Variants in NCOR1 observed in about 807,000 individuals in gnomAD.
The protein encoded by NCOR1 is protein phosphatase 1, regulatory subunit 109.
A neutral mutation model predicts 288.1 loss-of-function variants in NCOR1; 63 were observed. The ratio of observed to expected loss-of-function variants is 0.22; its 90% CI spans 0.18 to 0.27. The LOEUF (loss-of-function observed/expected upper bound fraction) is 0.27. Among genes scored for constraint, NCOR1 ranks in the 10% least tolerant of loss-of-function variants. The pLI, the probability that NCOR1 is intolerant of heterozygous loss-of-function variation, is 1.00. For synonymous variants in NCOR1, 1,007 were observed against 1,065.9 expected, an observed-to-expected ratio of 0.94 and a Z score of 1.08; for missense variants, 2,397 against 3,019.2, an observed-to-expected ratio of 0.79 and a Z score of 4.83.
chr17:16,040,801 G>A (rs182146434), intron 42 of NCOR1: 10 of 355,604 alleles, frequency 2.8e-5, no homozygotes, highest in South Asian at 1.1e-4. Context: ...AGGCTGAGGC[G>A]GTAGGACTGC....
chr17:16,131,997 C>A (rs978079433), intron 14 of NCOR1, among the ~76,000 whole-genome samples: 2 of 152,208 alleles, frequency 1.3e-5, no homozygotes. Context: ...GCAGAGCACT[C>A]TGGGGCTAGA....
intron 23 of NCOR1, among the ~76,000 whole-genome samples, chr17:16,085,470 G>A (rs2064082778): frequency 6.6e-6 from 1 of 152,182 alleles, no homozygotes; most frequent in African/African-American, 2.4e-5. Context: ...ACTGGAAATA[G>A]CTCAGGTTTT....
intron 18 of NCOR1, among the ~76,000 whole-genome samples, chr17:16,112,028 C>T (rs1272147696): frequency 1.3e-5 from 2 of 151,998 alleles, no homozygotes; most frequent in Non-Finnish European, 2.9e-5. Flanking sequence ...CGCCACCATG[C>T]CCGGCTAATT....
chr17:16,153,511 C>T lies in NCOR1; in HGVS notation c.733-116G>A, dbSNP rs991465551. On this transcript the variant is annotated intron_variant, in intron 6 of 45. Transcript: ENST00000268712. Reference sequence around the variant, plus strand: ...TCTATAGATGAACTTATCCTTATTTCCAAATATCCTTCTTCTATATGACAG... The same window carrying T: ...TCTATAGATGAACTTATCCTTATTTTCAAATATCCTTCTTCTATATGACAG... The T allele has an allele frequency of 1.7e-5, 10 of 589,474 alleles. No homozygotes were observed. The African/African-American group carries it at 1.9e-4, about 11-fold the overall frequency. 36.5% of individuals were successfully genotyped at this position (589,474 alleles called of 1,614,324 possible). A position where few individuals can be genotyped will look rare whatever the true frequency, so the allele number is the denominator to read the frequency against.
chr17:16,038,659 A>T (rs540691902), intron 44 of NCOR1, among the ~76,000 whole-genome samples: 1 of 151,922 alleles, frequency 6.6e-6, no homozygotes, highest in Non-Finnish European at 1.5e-5. Context: ...GCTGGTCTCA[A>T]ACTCCTGAGC....
At chr17:16,065,878 A>G (rs1205000727) in intron 32 of NCOR1, 184 bp from the exon 33 acceptor site, 2 of 598,606 alleles carry the variant, frequency 3.3e-6, no homozygotes, top group Admixed American at 2.9e-5. Flanking sequence ...TAGCAATTCT[A>G]ATGTCTAAGA....
chr17:16,127,583 G>A (rs748603533), intron 14 of NCOR1, among the ~76,000 whole-genome samples: 2 of 141,904 alleles, frequency 1.4e-5, no homozygotes, highest in East Asian at 4.5e-4. Flanking sequence ...ATATACATAT[G>A]TGTATATATG....
Position 16,079,847 on chromosome 17 carries a change from CCCAGT to C in NCOR1, c.3501+112_3501+116del, listed in dbSNP as rs1325288281. The C allele has an allele frequency of 1.4e-5, 11 of 769,458 alleles. No individual in the cohort carries two copies. In the African/African-American group the frequency reaches 1.7e-4, roughly 12 times the overall value. 47.7% of individuals were successfully genotyped at this position (769,458 alleles called of 1,614,324 possible). ...CAGTTTGCAGATCTAGGTTATGAGA[CCCAGT>C]CCCATAATGCAGAAAAATGAACTTA... On this transcript the variant is annotated intron_variant, in intron 26 of 45. Transcript: ENST00000268712.
In NCOR1 at chr17:16,039,511, C is replaced by T. The variant is rs1300285341; in HGVS notation, c.6877G>A (p.Val2293Met). Residue 2293 changes from valine to methionine, a missense_variant, in exon 44 of 46, where the codon GTG (valine) becomes ATG (methionine). Physicochemically the swap from Val to Met is conservative, Grantham distance 21 (BLOSUM62 1). This residue lies in a region of NCOR1 where 1,872 missense variants were observed against 2,187.8 expected (regional missense o/e 0.86). Coordinates refer to ENST00000268712, the MANE Select transcript of NCOR1 (RefSeq NM_006311.4). Reference protein sequence around the residue: ...GVVMSQPMGVVPGTANTSVVT... With the variant: ...GVVMSQPMGVMPGTANTSVVT... ...ACTGAGGTGTTGGCAGTACCAGGCA[C>T]TACTCCCATAGGCTGGGACATGACA... The T allele has an allele frequency of 1.2e-6, 2 of 1,614,134 alleles. No individual in the cohort carries two copies. Among genetic ancestry groups the T allele is most frequent in the African/African-American group, 2.7e-5 (2 of 75,016 alleles).
At position 16,099,619 on chromosome 17, in the gene NCOR1, T is replaced by C. The variant is rs914112192; in HGVS notation, c.2691-1123A>G. Reference sequence around the variant, plus strand: ...TCCTACCTAATTTTTCCTTCACGTATAGTTACCAAAACCAACAGTGCAAAA... The same window carrying C: ...TCCTACCTAATTTTTCCTTCACGTACAGTTACCAAAACCAACAGTGCAAAA... On this transcript the variant is annotated intron_variant, in intron 20 of 45. Transcript: ENST00000268712. 3.9e-5 allele frequency among the ~76,000 whole-genome samples: 6 copies of C among 152,334 alleles called. No individual in the cohort carries two copies. The East Asian group carries it at 1.2e-3, about 29-fold the overall frequency.
intron 9 of NCOR1, among the ~76,000 whole-genome samples, chr17:16,147,583 G>C (rs1332337922): frequency 2.0e-5 from 3 of 152,082 alleles, no homozygotes; most frequent in African/African-American, 7.2e-5. Context: ...AGTGAGGAAG[G>C]GTTCATGAAA....
chr17:16,165,120 T>C lies in NCOR1; in HGVS notation c.477A>G (p.Pro159=). 6.2e-7 allele frequency: 1 copy of C among 1,608,844 alleles called. No homozygotes were observed. The highest frequency in any genetic ancestry group is 8.5e-7 in the Non-Finnish European group (1 of 1,178,960). The change falls in exon 5 of 46, where the codon CCA becomes CCG. Residue 159 remains proline (P), a synonymous_variant. Transcript: ENST00000268712. ...FGGKHEAPSS[P]ISGQPCGDDQ... ...CATCTCCACATGGTTGCCCCGAAAT[T>C]GGAGAGGATGGAGCTTCATGTTTGC...
At chr17:16,044,551 G>GA in intron 42 of NCOR1, 1 of 504,668 alleles carries the variant, frequency 2.0e-6, no homozygotes, top group East Asian at 5.9e-5. Flanking sequence ...GCCACGTTGG[G>GA]ATGAGGCCCT....
rs61215793 is a variant in NCOR1 at position 16,181,211 on chromosome 17, A to ATGTGTGTGTGTGTGTG, written c.242+5327_242+5342dup. Among the ~76,000 whole-genome samples the ATGTGTGTGTGTGTGTG allele has an allele frequency of 2.7e-3, 382 of 139,550 alleles. 3 individuals carry two copies. The highest frequency in any genetic ancestry group is 0.01 in the East Asian group (45 of 4,462). 91.6% of individuals were successfully genotyped at this position (139,550 alleles called of 152,430 possible). A position where few individuals can be genotyped will look rare whatever the true frequency, so the allele number is the denominator to read the frequency against. Reference sequence around the variant, plus strand: ...TGTGTGTGTGTATACATATATATGTATGTGTGTGTGTGTGTGTGTGTGTGT... The same window carrying ATGTGTGTGTGTGTGTG: ...TGTGTGTGTGTATACATATATATGTATGTGTGTGTGTGTGTGTGTGTGTGTGTGTGTGTGTGTGTGT... On this transcript the variant is annotated intron_variant, in intron 3 of 45. Transcript: ENST00000268712.
chr17:16,069,815 C>G (rs2061539372), intron 31 of NCOR1, among the ~76,000 whole-genome samples: 1 of 152,142 alleles, frequency 6.6e-6, no homozygotes, highest in Non-Finnish European at 1.5e-5. Flanking sequence ...CAGTCTTGTT[C>G]CAGAGGCTAC....
chr17:16,134,729 A>G (rs1405275547), intron 14 of NCOR1, among the ~76,000 whole-genome samples: 4 of 152,218 alleles, frequency 2.6e-5, no homozygotes, highest in Non-Finnish European at 4.4e-5. Context: ...AATCTGGCAA[A>G]GGTTAAGGTA....
intron 16 of NCOR1, 139 bp from the exon 17 acceptor site, chr17:16,119,624 G>C (rs2072558854): frequency 2.0e-6 from 1 of 510,152 alleles, no homozygotes; most frequent in Admixed American, 3.6e-5. Flanking sequence ...GCAGAAATAG[G>C]ATAGTAACCT....
chr17:16,056,757 TG>T (rs2059974641), intron 40 of NCOR1, among the ~76,000 whole-genome samples: 1 of 152,198 alleles, frequency 6.6e-6, no homozygotes, highest in African/African-American at 2.4e-5. Flanking sequence ...TAAGAAGATA[TG>T]CTCTTTATCA....
At chr17:16,173,601 C>T (rs1310448087) in intron 3 of NCOR1, among the ~76,000 whole-genome samples, 1 of 152,018 alleles carries the variant, frequency 6.6e-6, no homozygotes, top group Admixed American at 6.6e-5. Flanking sequence ...ATTCTATACA[C>T]TAGCATTAAA....
Sources: gnomAD v4.1 joint callset for allele counts (sites outside exome capture counted in the v4.1 genomes callset) on GRCh38, gnomAD v4.1.1 for gene constraint, gnomAD v4.1.1 regional missense constraint, MANE v1.5 for transcripts, NCBI Gene and HGNC (gene_info 2026-07-23, HGNC 2026-07-21) for gene names.